DNAJC13: variants seen among roughly 807,000 people sequenced by gnomAD.
DNAJC13 encodes DnaJ heat shock protein family (Hsp40) member C13, also known as dnaJ homolog subfamily C member 13.
A neutral mutation model predicts 290.5 loss-of-function variants in DNAJC13; 75 were observed. The observed-to-expected ratio is 0.26, with a 90% CI of 0.21 to 0.31. DNAJC13 has a LOEUF of 0.31. Among genes scored for constraint, DNAJC13 ranks in the 10% least tolerant of loss-of-function variants. The probability of loss-of-function intolerance (pLI) is 1.00; values close to 1 mark genes in which losing one functional copy is unlikely to be tolerated. For synonymous variants in DNAJC13, 862 were observed against 892.0 expected, an observed-to-expected ratio of 0.97 and a Z score of 0.60; for missense variants, 2,260 against 2,674.5, an observed-to-expected ratio of 0.85 and a Z score of 3.42.
At position 132,516,725 on chromosome 3, in the gene DNAJC13, A is replaced by T; in HGVS notation, c.5582A>T (p.Asp1861Val). 1 of 1,613,196 alleles carries T rather than the reference A, an allele frequency of 6.2e-7. No homozygotes were observed. Among genetic ancestry groups the T allele is most frequent in the Non-Finnish European group, 8.5e-7 (1 of 1,179,612 alleles). ...MAKGALIYLL[D>V]MFCNSTHPQV... ...ATAGGTGCTTTGATCTATTTACTGG[A>T]TATGTTCTGCAATTCAACACATCCA... Residue 1861 changes from aspartate to valine, a missense_variant, in exon 48 of 56, where the codon GAT (aspartate) becomes GTT (valine). This residue lies in a region of DNAJC13 where 1,494 missense variants were observed against 1,693.7 expected (regional missense o/e 0.88). Transcript: ENST00000260818.
At chr3:132,486,061 T>C (rs1222581401) in intron 29 of DNAJC13, among the ~76,000 whole-genome samples, 2 of 138,380 alleles carry the variant, frequency 1.4e-5, no homozygotes, top group African/African-American at 2.6e-5. Context: ...AAAAGACTTC[T>C]AAATACAGTA....
In DNAJC13 at chr3:132,417,524, G is replaced by A. The variant is rs1016593343; in HGVS notation, c.-250G>A. The stretch of plus-strand genomic sequence containing the variant: ...ATTAGAGCGCGCTCGCTCAAAGCCT[G>A]AGCGAAGATGGCGGCCTCCAGAGTG... On this transcript the variant is annotated 5_prime_UTR_variant, in exon 1 of 56. Coordinates refer to ENST00000260818, the MANE Select transcript of DNAJC13 (RefSeq NM_015268.4). 6.6e-6 allele frequency: 1 copy of A among 152,258 alleles called. No individual in the cohort carries two copies. The highest frequency in any genetic ancestry group is 1.5e-5 in the Non-Finnish European group (1 of 68,046). 9.4% of individuals were successfully genotyped at this position (152,258 alleles called of 1,614,324 possible).
At chr3:132,477,468 G>T (rs1227202484) in intron 22 of DNAJC13, among the ~76,000 whole-genome samples, 1 of 152,232 alleles carries the variant, frequency 6.6e-6, no homozygotes, top group Non-Finnish European at 1.5e-5. Flanking sequence ...GTGTATGTGT[G>T]TTGAGCAAAT....
chr3:132,486,540 T>G (rs1454232154), intron 29 of DNAJC13, among the ~76,000 whole-genome samples: 1 of 152,200 alleles, frequency 6.6e-6, no homozygotes, highest in African/African-American at 2.4e-5. Flanking sequence ...AACAAAGTGA[T>G]TAAAGATACT....
At chr3:132,475,605 T>C (rs192672279) in intron 22 of DNAJC13, among the ~76,000 whole-genome samples, 2 of 152,342 alleles carry the variant, frequency 1.3e-5, no homozygotes, top group Admixed American at 6.5e-5. Context: ...ATTTAAACTA[T>C]TATAGCTTTA....
chr3:132,434,911 ATAG>A (rs1450853715), intron 2 of DNAJC13, among the ~76,000 whole-genome samples: 1 of 152,234 alleles, frequency 6.6e-6, no homozygotes, highest in East Asian at 1.9e-4. Flanking sequence ...ATGAGGTTAT[ATAG>A]TAGTAGCAGA....
At position 132,462,458 on chromosome 3, in the gene DNAJC13, A is replaced by G. The variant is rs566610577; in HGVS notation, c.1714-9A>G. ...TATTTTTTGATACTTTTTCCCCCTC[A>G]CTTTAAAGCATCCTTCCATGGCAAT... On this transcript the variant is annotated splice_polypyrimidine_tract_variant and intron_variant, in intron 15 of 55. Coordinates refer to ENST00000260818, the MANE Select transcript of DNAJC13 (RefSeq NM_015268.4). 1 of 1,606,936 alleles carries G rather than the reference A, an allele frequency of 6.2e-7. No homozygotes were observed. The highest frequency in any genetic ancestry group is 1.7e-5 in the Admixed American group (1 of 58,694).
chr3:132,494,393 A>G (rs1440813882), intron 34 of DNAJC13, 134 bp downstream of exon 34: 2 of 697,478 alleles, frequency 2.9e-6, no homozygotes, highest in East Asian at 2.7e-5. Context: ...GGGAATAACC[A>G]TATGGAACTA....
rs367708218 is a variant in DNAJC13, at chr3:132,479,303, G to A, written c.2772+14G>A. On this transcript the variant is annotated intron_variant, in intron 25 of 55. Coordinates refer to ENST00000260818, the MANE Select transcript of DNAJC13 (RefSeq NM_015268.4). ...ATCCTTAATAAGGTACAGTAGTTTC[G>A]CATACATACATTGTTATTTCCAAGT... 18 of 1,544,488 alleles carry A rather than the reference G, an allele frequency of 1.2e-5. No homozygotes were observed. The highest frequency in any genetic ancestry group is 4.5e-5 in the South Asian group (4 of 88,810).
At chr3:132,486,503 TTAAC>T (rs113790008) in intron 29 of DNAJC13, among the ~76,000 whole-genome samples, 5,827 of 152,268 alleles carry the variant, frequency 0.038, 370 homozygotes, top group African/African-American at 0.13. Flanking sequence ...TTTCTTTTAA[TTAAC>T]CAAAAATTTT....
chr3:132,482,159 T>C (rs1357020012), intron 26 of DNAJC13, 67 bp from the exon 27 acceptor site: 1 of 1,367,356 alleles, frequency 7.3e-7, no homozygotes, highest in African/African-American at 1.5e-5. Flanking sequence ...TGTGCAACTT[T>C]GTTTTACGAC....
intron 17 of DNAJC13, 122 bp from the exon 18 acceptor site, chr3:132,465,873 C>A: frequency 1.7e-6 from 1 of 591,878 alleles, no homozygotes; most frequent in Non-Finnish European, 3.0e-6. Flanking sequence ...TTTTTAACAT[C>A]GGAATGATTT....
intron 20 of DNAJC13, among the ~76,000 whole-genome samples, chr3:132,471,991 C>T (rs1230171872): frequency 1.4e-4 from 21 of 149,106 alleles, no homozygotes; most frequent in African/African-American, 5.2e-4. Context: ...CGTCTGCAAT[C>T]CCGGCACCTC....
chr3:132,483,505 T>C lies in DNAJC13; in HGVS notation c.3110T>C (p.Val1037Ala). 1 of 1,614,156 alleles carries C rather than the reference T, an allele frequency of 6.2e-7. No homozygotes were observed. ...TGTCTCTTAGCCAGTGGACAGGCTG[T>C]CCTGAATGAAACTGACCTTGCTACC... ...KWCLLASGQA[V>A]LNETDLATLI... Residue 1037 changes from valine (V) to alanine (A), a missense_variant, in exon 28 of 56, where the codon GTC (valine) becomes GCC (alanine). Physicochemically the swap from Val to Ala is moderately conservative, Grantham distance 64 (BLOSUM62 0). Coordinates refer to ENST00000260818, the MANE Select transcript of DNAJC13 (RefSeq NM_015268.4).
chr3:132,490,982 C>A lies in DNAJC13; in HGVS notation c.3554C>A (p.Pro1185His). 1.9e-6 allele frequency: 3 copies of A among 1,612,780 alleles called. No homozygotes were observed. Among genetic ancestry groups the A allele is most frequent in the Non-Finnish European group, 2.5e-6 (3 of 1,179,424 alleles). The stretch of plus-strand genomic sequence containing the variant: ...GTTTGTTACTTAGAAAATTATGAAC[C>A]TGAAAAGTTTTCTGAGATTTTTCTA... ...AMVCYLENYE[P>H]EKFSEIFLGE... The change falls in exon 32 of 56, where the codon CCT (proline) becomes CAT (histidine). Residue 1185 changes from proline to histidine, a missense_variant. This residue lies in a region of DNAJC13 where 1,494 missense variants were observed against 1,693.7 expected (regional missense o/e 0.88). Transcript: ENST00000260818.
intron 1 of DNAJC13, 22 bp from the exon 2 acceptor site, chr3:132,434,516 C>T (rs886470357): frequency 3.9e-6 from 6 of 1,536,386 alleles, no homozygotes; most frequent in Non-Finnish European, 3.6e-6. Context: ...GTACTAAGTG[C>T]CCTCATATTT....
At chr3:132,530,943 C>T in intron 54 of DNAJC13, 55 bp from the exon 55 acceptor site, 1 of 1,510,952 alleles carries the variant, frequency 6.6e-7, no homozygotes, top group Admixed American at 1.8e-5. Flanking sequence ...TTCTTTTTGT[C>T]TTCCAACATC....
At chr3:132,471,140 G>A (rs571256332) in intron 20 of DNAJC13, among the ~76,000 whole-genome samples, 3 of 132,842 alleles carry the variant, frequency 2.3e-5, no homozygotes, top group African/African-American at 8.3e-5. Flanking sequence ...CTCCCTCCTG[G>A]ACGGGGTGGC....
chr3:132,513,979 T>C (rs561583761), intron 45 of DNAJC13, among the ~76,000 whole-genome samples: 123 of 152,336 alleles, frequency 8.1e-4, no homozygotes, highest in Non-Finnish European at 1.4e-3. Context: ...AAAAAAACTT[T>C]AAATTGGTCA....
Sources: allele counts gnomAD v4.1 joint callset (sites outside exome capture counted in the v4.1 genomes callset), GRCh38; gene constraint gnomAD v4.1.1; regional missense constraint gnomAD v4.1.1; transcripts MANE v1.5; gene names NCBI Gene and HGNC (gene_info 2026-07-23, HGNC 2026-07-21).